MAT2A: variants seen among roughly 807,000 people sequenced by gnomAD.
MAT2A encodes the protein methionine adenosyltransferase 2A.
MAT2A carries 3 observed loss-of-function variants against 43.9 expected under a neutral mutation model. The ratio of observed to expected loss-of-function variants is 0.07; its 90% CI spans 0.03 to 0.18. MAT2A has a LOEUF of 0.18. Among genes scored for constraint, MAT2A ranks in the 10% least tolerant of loss-of-function variants. MAT2A has a pLI of 1.00. For synonymous variants in MAT2A, 200 were observed against 168.4 expected (o/e 1.19, Z -1.45); for missense variants, 204 against 489.0 (o/e 0.42, Z 5.50).
At position 85,541,096 on chromosome 2, in the gene MAT2A, C is replaced by T. The variant is rs369881158; in HGVS notation, c.105C>T (p.Asp35=). The T allele has an allele frequency of 3.1e-6, 5 of 1,610,434 alleles. No individual in the cohort carries two copies. The highest frequency in any genetic ancestry group is 1.3e-5 in the African/African-American group (1 of 74,808). ...TCTCTTTTCCAGATAAGATTTGTGA[C>T]CAAATCAGTGATGCTGTCCTTGATG... ...VGEGHPDKIC[D]QISDAVLDAH... The change falls in exon 2 of 9, where the codon GAC becomes GAT. Residue 35 remains aspartate (D), a synonymous_variant. Coordinates refer to ENST00000306434, the MANE Select transcript of MAT2A (RefSeq NM_005911.6).
In MAT2A at chr2:85,541,012, G is replaced by A. The variant is rs1202523936; in HGVS notation, c.92-71G>A. ...AGATTTTACAGATAGTAACAGGGAG[G>A]GAGCTTGCATACATACATACATACT... On this transcript the variant is annotated intron_variant, in intron 1 of 8. Transcript: ENST00000306434. 1.4e-5 allele frequency: 13 copies of A among 927,918 alleles called. No homozygotes were observed. The East Asian group carries it at 3.2e-4, about 23-fold the overall frequency. 57.5% of individuals were successfully genotyped at this position (927,918 alleles called of 1,614,324 possible).
In MAT2A at chr2:85,539,435, C is replaced by T. The variant is rs527904626; in HGVS notation, c.91+57C>T. 104 of 1,388,252 alleles carry T rather than the reference C, an allele frequency of 7.5e-5. No homozygotes were observed. The African/African-American group carries it at 1.4e-3, about 18-fold the overall frequency. The allele number at this position is 1,388,252 out of a possible 1,614,324, so 86.0% of individuals were successfully genotyped here. ...CGGGGCAGAAGGCAGCGCCAAGGTC[C>T]GGCTGGCTGCGGCCGGCCGGTGGTG... On this transcript the variant is annotated intron_variant, in intron 1 of 8. Transcript: ENST00000306434.
chr2:85,540,248 A>G lies in MAT2A; in HGVS notation c.92-835A>G, dbSNP rs1691437792. Among the ~76,000 whole-genome samples the G allele has an allele frequency of 2.0e-5, 3 of 152,376 alleles. No homozygotes were observed. In the South Asian group the frequency reaches 6.2e-4, roughly 32 times the overall value. On this transcript the variant is annotated intron_variant, in intron 1 of 8. Transcript: ENST00000306434. ...AAATCTCAGCCTGAGCATATCGGCTAGTAAAGATGATTATTTGGCTCTTTT... is the reference window on the plus strand; with the variant it reads ...AAATCTCAGCCTGAGCATATCGGCTGGTAAAGATGATTATTTGGCTCTTTT...
chr2:85,542,811 TC>T, intron 7 of MAT2A, 64 bp downstream of exon 7: 1 of 1,522,492 alleles, frequency 6.6e-7, no homozygotes, highest in East Asian at 2.3e-5. Context: ...TTAGTAGTAA[TC>T]TACTTAACTA....
rs1558799721 is a variant in MAT2A, at chr2:85,545,160, C to T, written c.*1388C>T. ...GCTTGTTTACATGCTTATTCCATGACTGCTTGCCCTAAGCAGAAAGTGCCT... is the reference window on the plus strand; with the variant it reads ...GCTTGTTTACATGCTTATTCCATGATTGCTTGCCCTAAGCAGAAAGTGCCT... On this transcript the variant is annotated 3_prime_UTR_variant, in exon 9 of 9. Transcript: ENST00000306434. 6.6e-6 allele frequency: 1 copy of T among 152,602 alleles called. No individual in the cohort carries two copies. The highest frequency in any genetic ancestry group is 1.5e-5 in the Non-Finnish European group (1 of 68,038). 9.5% of individuals were successfully genotyped at this position (152,602 alleles called of 1,614,324 possible).
intron 1 of MAT2A, 116 bp from the exon 2 acceptor site, chr2:85,540,967 A>C (rs1470321198): frequency 5.8e-6 from 4 of 683,882 alleles, no homozygotes; most frequent in Non-Finnish European, 1.0e-5. Flanking sequence ...TGTATTAAGC[A>C]TGTTTTTTAA....
In MAT2A at chr2:85,542,225, T is replaced by C; in HGVS notation, c.620T>C (p.Val207Ala). The C allele has an allele frequency of 1.2e-6, 2 of 1,614,166 alleles. No individual in the cohort carries two copies. The highest frequency in any genetic ancestry group is 2.2e-5 in the South Asian group (2 of 91,078). The change falls in exon 6 of 9, where the codon GTT (valine) becomes GCT (alanine). Residue 207 changes from valine (V) to alanine (A), a missense_variant. By Grantham distance (64) the Val-to-Ala change is moderately conservative. Around this residue, in one of 6 missense-constraint regions of MAT2A, gnomAD observed 103 missense variants for 226.4 expected, o/e 0.45. Coordinates refer to ENST00000306434, the MANE Select transcript of MAT2A (RefSeq NM_005911.6). Reference sequence around the variant, plus strand: ...AGAGTCCACACAATTGTTATATCTGTTCAGCATGATGAAGAGGTTTGTCTT... The same window carrying C: ...AGAGTCCACACAATTGTTATATCTGCTCAGCATGATGAAGAGGTTTGTCTT... ...PIRVHTIVIS[V>A]QHDEEVCLDE... is the part of the protein sequence containing the mutation.
rs537846670 is a variant in MAT2A at position 85,539,468 on chromosome 2, C to T, written c.91+90C>T. 12 of 1,012,490 alleles carry T rather than the reference C, an allele frequency of 1.2e-5. No individual in the cohort carries two copies. The East Asian group carries it at 3.5e-4, about 30-fold the overall frequency. The allele number at this position is 1,012,490 out of a possible 1,614,324, so 62.7% of individuals were successfully genotyped here. A position where few individuals can be genotyped will look rare whatever the true frequency, so the allele number is the denominator to read the frequency against. On this transcript the variant is annotated intron_variant, in intron 1 of 8. Coordinates refer to ENST00000306434, the MANE Select transcript of MAT2A (RefSeq NM_005911.6). ...TGCGGCCGGCCGGTGGTGGGGCCCG[C>T]GCGGGTCGTCCTCGTCCGCCGGGTG... is the stretch of plus-strand genomic sequence containing the variant.
Position 85,543,022 on chromosome 2 carries a change from G to C in MAT2A, c.1073G>C (p.Gly358Ala). 6.2e-7 allele frequency: 1 copy of C among 1,612,484 alleles called. No individual in the cohort carries two copies. The highest frequency in any genetic ancestry group is 8.5e-7 in the Non-Finnish European group (1 of 1,179,888). Reference sequence around the variant, plus strand: ...AAGAAGAATTTCGATCTCCGCCCTGGGGTCATTGTCAGGTAAAGATGGTAA... The same window carrying C: ...AAGAAGAATTTCGATCTCCGCCCTGCGGTCATTGTCAGGTAAAGATGGTAA... ...IVKKNFDLRPGVIVRDLDLKK... is the reference protein window; with the variant it reads ...IVKKNFDLRPAVIVRDLDLKK... Residue 358 changes from glycine (G) to alanine (A), a missense_variant, in exon 8 of 9, where the codon GGG (glycine) becomes GCG (alanine). Around this residue, in one of 6 missense-constraint regions of MAT2A, gnomAD observed 45 missense variants for 106.8 expected, o/e 0.42. Coordinates refer to ENST00000306434, the MANE Select transcript of MAT2A (RefSeq NM_005911.6).
intron 5 of MAT2A, 29 bp downstream of exon 5, chr2:85,542,001 C>T (rs1197056314): frequency 1.2e-6 from 2 of 1,605,882 alleles, no homozygotes; most frequent in Non-Finnish European, 1.7e-6. Context: ...GCTTGGTTGT[C>T]TCATTTATTA....
chr2:85,539,481 C>T (rs1341311064), intron 1 of MAT2A, 103 bp downstream of exon 1: 10 of 851,738 alleles, frequency 1.2e-5, no homozygotes, highest in African/African-American at 1.8e-5. Flanking sequence ...GGGTCGTCCT[C>T]GTCCGCCGGG....
rs1256115073 is a variant in MAT2A at position 85,539,229 on chromosome 2, A to AGCCGCT, written c.-53_-48dup. 3.9e-6 allele frequency: 5 copies of AGCCGCT among 1,276,528 alleles called. No individual in the cohort carries two copies. The highest frequency in any genetic ancestry group is 5.6e-6 in the Non-Finnish European group (5 of 899,124). 79.1% of individuals were successfully genotyped at this position (1,276,528 alleles called of 1,614,324 possible). A position where few individuals can be genotyped will look rare whatever the true frequency, so the allele number is the denominator to read the frequency against. On this transcript the variant is annotated 5_prime_UTR_variant, in exon 1 of 9. Transcript: ENST00000306434. Reference sequence around the variant, plus strand: ...GCTGTCCGCAGCTTGCGCATTTCGCAGCCGCTGCCGCCTCGCCGCTGCTCC... The same window carrying AGCCGCT: ...GCTGTCCGCAGCTTGCGCATTTCGCAGCCGCTGCCGCTGCCGCCTCGCCGCTGCTCC...
Position 85,542,622 on chromosome 2 carries a change from G to A in MAT2A, c.826G>A (p.Ala276Thr), listed in dbSNP as rs755275383. 1 of 1,614,076 alleles carries A rather than the reference G, an allele frequency of 6.2e-7. No homozygotes were observed. The highest frequency in any genetic ancestry group is 1.1e-5 in the South Asian group (1 of 91,076). ...TGTGGACACTTATGGCGGTTGGGGT[G>A]CTCATGGAGGAGGTGCCTTTTCAGG... ...IIVDTYGGWGAHGGGAFSGKD... is the reference protein window; with the variant it reads ...IIVDTYGGWGTHGGGAFSGKD... Residue 276 changes from alanine (A) to threonine (T), a missense_variant, in exon 7 of 9, where the codon GCT (alanine) becomes ACT (threonine). Physicochemically the swap from Ala to Thr is moderately conservative, Grantham distance 58 (BLOSUM62 0). This residue lies in a region of MAT2A where 8 missense variants were observed against 73.1 expected (regional missense o/e 0.11). Coordinates refer to ENST00000306434, the MANE Select transcript of MAT2A (RefSeq NM_005911.6).
At position 85,541,322 on chromosome 2, in the gene MAT2A, C is replaced by T; in HGVS notation, c.237C>T (p.Tyr79=). ...GEITSRAAVD[Y]QKVVREAVKH... ...TTACATCCAGAGCTGCTGTTGACTACCAGAAAGTGGTTCGTGAAGCTGTTA... is the reference window on the plus strand; with the variant it reads ...TTACATCCAGAGCTGCTGTTGACTATCAGAAAGTGGTTCGTGAAGCTGTTA... Residue 79 remains tyrosine, a synonymous_variant, in exon 3 of 9, where the codon TAC becomes TAT. Transcript: ENST00000306434. 6.2e-7 allele frequency: 1 copy of T among 1,614,042 alleles called. No homozygotes were observed. Among genetic ancestry groups the T allele is most frequent in the Non-Finnish European group, 8.5e-7 (1 of 1,179,960 alleles).
rs752300620 is a variant in MAT2A, at chr2:85,541,659, C to T, written c.319C>T (p.Leu107=). The change falls in exon 4 of 9, where the codon CTG becomes TTG. Residue 107 remains leucine, a synonymous_variant. Coordinates refer to ENST00000306434, the MANE Select transcript of MAT2A (RefSeq NM_005911.6). ...TTTTGACTACAAGACTTGTAACGTG[C>T]TGGTAGCCTTGGAGCAACAGTCACC... ...KGFDYKTCNV[L]VALEQQSPDI... The T allele has an allele frequency of 6.2e-7, 1 of 1,611,574 alleles. No homozygotes were observed. Among genetic ancestry groups the T allele is most frequent in the Non-Finnish European group, 8.5e-7 (1 of 1,179,270 alleles).
At chr2:85,542,106 C>G (rs374751856) in intron 5 of MAT2A, 49 bp from the exon 6 acceptor site, 37 of 1,585,728 alleles carry the variant, frequency 2.3e-5, no homozygotes, top group Non-Finnish European at 3.0e-5. Flanking sequence ...GAAACAAATA[C>G]AAAGTTATTG....
intron 1 of MAT2A, 89 bp downstream of exon 1, chr2:85,539,467 G>C: frequency 9.7e-7 from 1 of 1,028,040 alleles, no homozygotes; most frequent in Non-Finnish European, 1.4e-6. Context: ...GGTGGGGCCC[G>C]CGCGGGTCGT....
intron 1 of MAT2A, among the ~76,000 whole-genome samples, chr2:85,540,546 T>C (rs1345749537): frequency 2.6e-5 from 4 of 152,236 alleles, no homozygotes; most frequent in South Asian, 2.1e-4. Flanking sequence ...TAGGGAGATA[T>C]TTGTTCTCCC....
intron 8 of MAT2A, chr2:85,543,291 A>G (rs931578663): frequency 1.3e-5 from 6 of 469,552 alleles, no homozygotes; most frequent in African/African-American, 7.9e-5. Flanking sequence ...GTGCTCTTCT[A>G]CTTAAGGGTG....
Sources: gnomAD v4.1 joint callset for allele counts (sites outside exome capture counted in the v4.1 genomes callset) on GRCh38, gnomAD v4.1.1 for gene constraint, gnomAD v4.1.1 regional missense constraint, MANE v1.5 for transcripts, NCBI Gene and HGNC (gene_info 2026-07-23, HGNC 2026-07-21) for gene names.